PRKCE: variants seen among roughly 807,000 people sequenced by gnomAD.
The protein encoded by PRKCE is protein kinase C epsilon type.
A neutral mutation model predicts 85.4 loss-of-function variants in PRKCE; 16 were observed. The observed-to-expected ratio is 0.19, with a 90% CI of 0.13 to 0.28. The LOEUF (loss-of-function observed/expected upper bound fraction) is 0.28, where lower values mean the gene tolerates loss of function less well. Ranked by LOEUF, PRKCE falls within the 10% of genes least tolerant of loss-of-function variation. The pLI, the probability that PRKCE is intolerant of heterozygous loss-of-function variation, is 1.00. For missense variants in PRKCE, 573 were observed against 975.2 expected (o/e 0.59, Z 5.49); for synonymous variants, 388 against 371.5 (o/e 1.04, Z -0.51).
At chr2:45,823,125 C>G (rs1047843460) in intron 1 of PRKCE, among the ~76,000 whole-genome samples, 13 of 152,180 alleles carry the variant, frequency 8.5e-5, no homozygotes, top group African/African-American at 2.4e-4. Context: ...TCCTTGCTGT[C>G]AAGCCGTGTG....
chr2:45,710,565 T>C (rs1351483074), intron 1 of PRKCE, among the ~76,000 whole-genome samples: 3 of 152,252 alleles, frequency 2.0e-5, no homozygotes, highest in Admixed American at 1.3e-4. Context: ...AGCCTGTCCA[T>C]AGATTAATGA....
intron 11 of PRKCE, among the ~76,000 whole-genome samples, chr2:46,117,266 T>C (rs1173450432): frequency 1.3e-5 from 2 of 152,220 alleles, no homozygotes; most frequent in African/African-American, 4.8e-5. Context: ...GACTTCATTC[T>C]CAGGGCAAAA....
At chr2:45,859,163 C>A (rs754202492) in intron 2 of PRKCE, among the ~76,000 whole-genome samples, 1 of 151,806 alleles carries the variant, frequency 6.6e-6, no homozygotes, top group Admixed American at 6.6e-5. Flanking sequence ...TGTGTGGCTG[C>A]AGTTCGTTTT....
At chr2:45,817,445 T>C (rs529248924) in intron 1 of PRKCE, among the ~76,000 whole-genome samples, 1 of 152,032 alleles carries the variant, frequency 6.6e-6, no homozygotes, top group Non-Finnish European at 1.5e-5. Flanking sequence ...TGTAATCCCA[T>C]CACTTTGGGA....
At chr2:45,687,710 G>A (rs1381864650) in intron 1 of PRKCE, among the ~76,000 whole-genome samples, 2 of 152,182 alleles carry the variant, frequency 1.3e-5, no homozygotes, top group African/African-American at 4.8e-5. Context: ...TGAAATGGCT[G>A]GTATAGGAGC....
chr2:45,742,904 A>G (rs1682697423), intron 1 of PRKCE, among the ~76,000 whole-genome samples: 1 of 152,262 alleles, frequency 6.6e-6, no homozygotes, highest in Non-Finnish European at 1.5e-5. Flanking sequence ...CTGTTGACAG[A>G]TGGAAGGATT....
chr2:45,809,144 T>C (rs982652631), intron 1 of PRKCE, among the ~76,000 whole-genome samples: 2 of 152,136 alleles, frequency 1.3e-5, no homozygotes, highest in African/African-American at 4.8e-5. Context: ...AGGGCCCCCT[T>C]CTAGTCCTGG....
chr2:45,688,823 T>C (rs1677500584), intron 1 of PRKCE, among the ~76,000 whole-genome samples: 1 of 152,262 alleles, frequency 6.6e-6, no homozygotes, highest in African/African-American at 2.4e-5. Context: ...TTGCACCTAC[T>C]GCAAGTGCTC....
intron 1 of PRKCE, among the ~76,000 whole-genome samples, chr2:45,747,861 C>T (rs1425500230): frequency 2.6e-5 from 4 of 152,186 alleles, no homozygotes; most frequent in Non-Finnish European, 5.9e-5. Flanking sequence ...TCCTCACCAA[C>T]ACTTAGTCTT....
intron 2 of PRKCE, among the ~76,000 whole-genome samples, chr2:45,868,210 G>A (rs918673173): frequency 5.8e-5 from 8 of 138,790 alleles, no homozygotes; most frequent in Non-Finnish European, 1.1e-4. Flanking sequence ...GGGGTGTAAC[G>A]GAGCTTTTTT....
chr2:46,039,926 C>G (rs754696910), intron 10 of PRKCE, among the ~76,000 whole-genome samples: 8 of 152,136 alleles, frequency 5.3e-5, no homozygotes, highest in Non-Finnish European at 8.8e-5. Context: ...TTCTCTGCTA[C>G]TGGGATGGAT....
At chr2:45,941,530 G>A (rs1353339326) in intron 2 of PRKCE, among the ~76,000 whole-genome samples, 2 of 152,178 alleles carry the variant, frequency 1.3e-5, no homozygotes, top group African/African-American at 4.8e-5. Flanking sequence ...GAGAAAGCAG[G>A]GCCGTGAAGG....
At chr2:46,028,578 A>G (rs982984536) in intron 10 of PRKCE, among the ~76,000 whole-genome samples, 1 of 152,212 alleles carries the variant, frequency 6.6e-6, no homozygotes, top group African/African-American at 2.4e-5. Context: ...GGTTGAAAAT[A>G]ACAGCTTTCC....
At chr2:45,714,776 T>C (rs1464573) in intron 1 of PRKCE, among the ~76,000 whole-genome samples, 54,819 of 152,056 alleles carry the variant, frequency 0.36, 10,275 homozygotes, top group South Asian at 0.45. Flanking sequence ...CTTGAGCCTG[T>C]CCAGCCTGTC....
intron 11 of PRKCE, among the ~76,000 whole-genome samples, chr2:46,092,194 T>C (rs1670230563): frequency 6.6e-6 from 1 of 152,244 alleles, no homozygotes; most frequent in South Asian, 2.1e-4. Context: ...TGATAGAGGA[T>C]ATGAAAGCCA....
chr2:46,108,514 C>T (rs1477895905), intron 11 of PRKCE, among the ~76,000 whole-genome samples: 1 of 152,064 alleles, frequency 6.6e-6, no homozygotes, highest in Non-Finnish European at 1.5e-5. Flanking sequence ...TCAGAGAGGT[C>T]AAGGGGAATG....
chr2:46,070,654 A>C (rs1312669521), intron 10 of PRKCE, among the ~76,000 whole-genome samples: 1 of 148,802 alleles, frequency 6.7e-6, no homozygotes, highest in Non-Finnish European at 1.5e-5. Context: ...AAAAAAAAAC[A>C]AAAACAAAAA....
chr2:45,820,899 C>A (rs972856569), intron 1 of PRKCE, among the ~76,000 whole-genome samples: 8 of 152,084 alleles, frequency 5.3e-5, no homozygotes, highest in Admixed American at 6.6e-5. Flanking sequence ...CCCTTCCCAC[C>A]CCCCAGCATG....
At chr2:45,929,128 A>G (rs762559723) in intron 2 of PRKCE, among the ~76,000 whole-genome samples, 21 of 152,030 alleles carry the variant, frequency 1.4e-4, no homozygotes, top group Non-Finnish European at 2.8e-4. Flanking sequence ...CTGGCAGGCT[A>G]TTTACAGACT....
Sources: gnomAD v4.1 joint callset for allele counts (sites outside exome capture counted in the v4.1 genomes callset) on GRCh38, gnomAD v4.1.1 for gene constraint, MANE v1.5 for transcripts, NCBI Gene and HGNC (gene_info 2026-07-23, HGNC 2026-07-21) for gene names.